CHURC1: variants seen among roughly 807,000 people sequenced by gnomAD.
CHURC1 encodes the protein protein Churchill.
CHURC1 carries 12 observed loss-of-function variants against 15.4 expected under a neutral mutation model. That is an observed-to-expected ratio of 0.78 (90% CI 0.50 to 1.27). The LOEUF (loss-of-function observed/expected upper bound fraction) is 1.27. Ranked by LOEUF, CHURC1 falls within the 50% of genes most tolerant of loss-of-function variation. The pLI is 0.00. For missense variants in CHURC1, 132 were observed against 137.8 expected, an observed-to-expected ratio of 0.96 and a Z score of 0.21; for synonymous variants, 42 against 47.5, an observed-to-expected ratio of 0.88 and a Z score of 0.48.
intron 3 of CHURC1, among the ~76,000 whole-genome samples, chr14:64,930,442 C>T (rs1228469547): frequency 1.3e-5 from 2 of 152,172 alleles, no homozygotes; most frequent in Non-Finnish European, 2.9e-5. Flanking sequence ...TTCCTGGGAA[C>T]CTAACCGCCA....
At chr14:64,924,185 G>T (rs1456056459) in intron 2 of CHURC1, 59 bp downstream of exon 2, 1 of 1,517,732 alleles carries the variant, frequency 6.6e-7, no homozygotes, top group South Asian at 1.3e-5. Context: ...TTTGGAAGTC[G>T]ATATGTTACA....
chr14:64,919,635 GA>G (rs1884128719), intron 1 of CHURC1, among the ~76,000 whole-genome samples: 1 of 152,098 alleles, frequency 6.6e-6, no homozygotes, highest in Non-Finnish European at 1.5e-5. Flanking sequence ...GTAATCCCAG[GA>G]CCTTCGGAGG....
At chr14:64,924,292 G>T (rs1273363490) in intron 2 of CHURC1, 166 bp downstream of exon 2, 24 of 740,162 alleles carry the variant, frequency 3.2e-5, no homozygotes, top group Non-Finnish European at 3.9e-5. Context: ...ATTTATCTGG[G>T]ATATCAAATA....
chr14:64,934,333 G>A lies in CHURC1; in HGVS notation c.*2103G>A, dbSNP rs542224184. 101 of 745,866 alleles carry A rather than the reference G, an allele frequency of 1.4e-4. No homozygotes were observed. In the African/African-American group the frequency reaches 1.5e-3, roughly 11 times the overall value. 46.2% of individuals were successfully genotyped at this position (745,866 alleles called of 1,614,324 possible). ...ACTGCACTCCAGCCTGGGAGACAGA[G>A]CAAGACTCCATCTCAAAAACAAAAA... On this transcript the variant is annotated 3_prime_UTR_variant, in exon 4 of 4. Coordinates refer to ENST00000549115, the MANE Select transcript of CHURC1 (RefSeq NM_001386928.1).
Position 64,924,010 on chromosome 14 carries a change from A to G in CHURC1, c.59A>G (p.Asn20Ser). ...TTTTAGGGTAATACCTGCCTGGAGA[A>G]TGGATCTTTCTTACTGAACTTTACA... Reference protein sequence around the residue: ...YPNRGNTCLENGSFLLNFTGC... With the variant: ...YPNRGNTCLESGSFLLNFTGC... The change falls in exon 2 of 4, where the codon AAT becomes AGT. Residue 20 changes from asparagine to serine, a missense_variant. By Grantham distance (46) the Asn-to-Ser change is conservative. Coordinates refer to ENST00000549115, the MANE Select transcript of CHURC1 (RefSeq NM_001386928.1). 2 of 1,566,806 alleles carry G rather than the reference A, an allele frequency of 1.3e-6. No individual in the cohort carries two copies. Among genetic ancestry groups the G allele is most frequent in the Non-Finnish European group, 1.7e-6 (2 of 1,153,658 alleles).
At chr14:64,930,977 C>T (rs1206924302) in intron 3 of CHURC1, 1 of 382,632 alleles carries the variant, frequency 2.6e-6, no homozygotes, top group South Asian at 2.0e-5. Context: ...AGGCAGTTGC[C>T]TGCTTCTATT....
intron 3 of CHURC1, chr14:64,930,841 G>T (rs765756412): frequency 8.8e-6 from 4 of 455,408 alleles, no homozygotes; most frequent in South Asian, 6.2e-5. Context: ...TGAAGCAGTG[G>T]AAGTATTTGA....
At chr14:64,931,553 C>T (rs1388236523) in intron 3 of CHURC1, among the ~76,000 whole-genome samples, 3 of 151,878 alleles carry the variant, frequency 2.0e-5, no homozygotes, top group Non-Finnish European at 4.4e-5. Flanking sequence ...AGAAAAAGGA[C>T]CTTGCCCTAA....
chr14:64,927,716 AC>A (rs1172402751), intron 3 of CHURC1, among the ~76,000 whole-genome samples: 905 of 40,688 alleles, frequency 0.022, 11 homozygotes, highest in Middle Eastern at 0.066. Flanking sequence ...TTCTCCCCCC[AC>A]CCCCCCCCCC....
chr14:64,921,980 A>G (rs1222283863), intron 1 of CHURC1, among the ~76,000 whole-genome samples: 1 of 152,252 alleles, frequency 6.6e-6, no homozygotes, highest in Non-Finnish European at 1.5e-5. Flanking sequence ...GATGATGAAC[A>G]TAGGCATTAT....
intron 1 of CHURC1, among the ~76,000 whole-genome samples, chr14:64,919,113 AT>A (rs200003535): frequency 2.0e-5 from 3 of 150,322 alleles, no homozygotes; most frequent in African/African-American, 7.3e-5. Flanking sequence ...GGTGAACCAC[AT>A]TTTTTTTTTC....
chr14:64,916,951 T>G (rs553959883), intron 1 of CHURC1, among the ~76,000 whole-genome samples: 7 of 152,324 alleles, frequency 4.6e-5, no homozygotes, highest in African/African-American at 1.7e-4. Context: ...GTTTACATTT[T>G]AGGCATTGGG....
intron 1 of CHURC1, among the ~76,000 whole-genome samples, chr14:64,919,761 G>C (rs921583144): frequency 6.6e-5 from 10 of 151,972 alleles, no homozygotes; most frequent in Non-Finnish European, 7.4e-5. Context: ...TTGTGTGCCT[G>C]TAGTCCCACC....
Position 64,914,538 on chromosome 14 carries a change from A to G in CHURC1, c.39+4A>G. ...GGAGAAGGAATATCCCAACCGGGTG[A>G]GCGACTGGGCGCTCCCTTGGCCCGC... On this transcript the variant is annotated splice_donor_region_variant and intron_variant, in intron 1 of 3. Transcript: ENST00000549115. The G allele has an allele frequency of 6.2e-7, 1 of 1,614,218 alleles. No individual in the cohort carries two copies. The highest frequency in any genetic ancestry group is 8.5e-7 in the Non-Finnish European group (1 of 1,180,020).
chr14:64,921,334 A>T (rs1275173143), intron 1 of CHURC1, among the ~76,000 whole-genome samples: 1 of 152,190 alleles, frequency 6.6e-6, no homozygotes, highest in Non-Finnish European at 1.5e-5. Flanking sequence ...AAAAGAAAAA[A>T]TGTTAAATTG....
At chr14:64,924,162 G>T in intron 2 of CHURC1, 36 bp downstream of exon 2, 5 of 1,571,662 alleles carry the variant, frequency 3.2e-6, no homozygotes, top group Non-Finnish European at 4.3e-6. Flanking sequence ...GAGTGTGTTA[G>T]CAGGTGTCAG....
chr14:64,926,000 G>C lies in CHURC1; in HGVS notation c.176-10G>C. 6.3e-7 allele frequency: 1 copy of C among 1,590,806 alleles called. No homozygotes were observed. The highest frequency in any genetic ancestry group is 8.5e-7 in the Non-Finnish European group (1 of 1,169,998). Reference sequence around the variant, plus strand: ...GACTTAATTACGTAAGTCTCTCTTTGTTTTAGCAGATTTGTGTAAGAATTG... The same window carrying C: ...GACTTAATTACGTAAGTCTCTCTTTCTTTTAGCAGATTTGTGTAAGAATTG... On this transcript the variant is annotated splice_polypyrimidine_tract_variant and intron_variant, in intron 2 of 3. Transcript: ENST00000549115.
In CHURC1 at chr14:64,932,146, C is replaced by G. The variant is rs1041299449; in HGVS notation, c.255C>G (p.Thr85=). ...ACTTTATCTTGTTCTAGGAGTATAC[C>G]ATGCTGTGTCTGTTATGCGGCAAAG... The part of the protein sequence containing the change: ...FSIMDEFQEY[T]MLCLLCGKAE... The change falls in exon 4 of 4, where the codon ACC becomes ACG. Residue 85 remains threonine, a synonymous_variant. Transcript: ENST00000549115. The G allele has an allele frequency of 2.5e-6, 4 of 1,613,098 alleles. No individual in the cohort carries two copies. The highest frequency in any genetic ancestry group is 3.4e-6 in the Non-Finnish European group (4 of 1,179,432).
intron 3 of CHURC1, 88 bp from the exon 4 acceptor site, chr14:64,932,050 A>G (rs922016298): frequency 1.3e-6 from 2 of 1,497,346 alleles, no homozygotes; most frequent in Non-Finnish European, 1.8e-6. Flanking sequence ...ATTCATGACA[A>G]TTTGTAGAGA....
Sources: allele counts gnomAD v4.1 joint callset (sites outside exome capture counted in the v4.1 genomes callset), GRCh38; gene constraint gnomAD v4.1.1; transcripts MANE v1.5; gene names NCBI Gene and HGNC (gene_info 2026-07-23, HGNC 2026-07-21).